The following PTPRQ variants were observed in gnomAD, a reference collection of about 807,000 sequenced individuals.
PTPRQ encodes the protein phosphatidylinositol phosphatase PTPRQ.
Under a neutral mutation model 246.0 loss-of-function variants are expected in PTPRQ, and 199 were observed. The ratio of observed to expected loss-of-function variants is 0.81; its 90% CI spans 0.72 to 0.91. The LOEUF (loss-of-function observed/expected upper bound fraction) is 0.91. PTPRQ is among the 40% of genes least tolerant of loss of function. The pLI is 0.00. For missense variants in PTPRQ, 2,624 were observed against 2,528.4 expected, an observed-to-expected ratio of 1.04 and a Z score of -0.81; for synonymous variants, 869 against 853.2, an observed-to-expected ratio of 1.02 and a Z score of -0.32.
chr12:80,559,267 A>G (rs950706084), intron 25 of PTPRQ, among the ~76,000 whole-genome samples: 6 of 151,998 alleles, frequency 3.9e-5, no homozygotes, highest in African/African-American at 1.5e-4. Context: ...GATGGTCTCA[A>G]TCTCCTGATT....
At chr12:80,598,843 ATTCTT>A (rs954896803) in intron 26 of PTPRQ, among the ~76,000 whole-genome samples, 1 of 151,990 alleles carries the variant, frequency 6.6e-6, no homozygotes, top group Admixed American at 6.6e-5. Context: ...ATTTATGTTT[ATTCTT>A]TTAGGAAAGT....
intron 17 of PTPRQ, among the ~76,000 whole-genome samples, chr12:80,527,231 G>A (rs569354740): frequency 4.6e-5 from 7 of 152,054 alleles, no homozygotes; most frequent in East Asian, 1.9e-4. Flanking sequence ...GTAGAAAAAT[G>A]TTTTGAAAAA....
intron 17 of PTPRQ, among the ~76,000 whole-genome samples, chr12:80,529,480 A>T (rs1245359282): frequency 6.6e-6 from 1 of 152,180 alleles, no homozygotes; most frequent in African/African-American, 2.4e-5. Context: ...TGTCTAGAGA[A>T]CCATACACAT....
At chr12:80,498,101 T>A (rs376459944) in intron 14 of PTPRQ, among the ~76,000 whole-genome samples, 1 of 152,188 alleles carries the variant, frequency 6.6e-6, no homozygotes, top group African/African-American at 2.4e-5. Context: ...AGCCTTGAAG[T>A]GACACTTAAT....
At chr12:80,581,600 A>T (rs1163746934) in intron 25 of PTPRQ, among the ~76,000 whole-genome samples, 1 of 152,180 alleles carries the variant, frequency 6.6e-6, no homozygotes, top group Non-Finnish European at 1.5e-5. Context: ...GTGCCACTGC[A>T]TTCCAGCCTC....
At chr12:80,599,187 A>C (rs923428661) in intron 26 of PTPRQ, among the ~76,000 whole-genome samples, 1 of 151,962 alleles carries the variant, frequency 6.6e-6, no homozygotes, top group Non-Finnish European at 1.5e-5. Context: ...CAAGGATAGA[A>C]GCATGATAAT....
chr12:80,593,343 A>G (rs1227655004), intron 26 of PTPRQ, among the ~76,000 whole-genome samples: 1 of 152,208 alleles, frequency 6.6e-6, no homozygotes, highest in Non-Finnish European at 1.5e-5. Context: ...TAATCAGAAA[A>G]CATGTTATCA....
At chr12:80,528,013 T>C (rs750067884) in intron 17 of PTPRQ, among the ~76,000 whole-genome samples, 3 of 151,964 alleles carry the variant, frequency 2.0e-5, no homozygotes, top group African/African-American at 7.2e-5. Flanking sequence ...GAGCCTGGGG[T>C]TGGGGCCATC....
At chr12:80,453,211 C>G (rs1892836341) in intron 3 of PTPRQ, among the ~76,000 whole-genome samples, 1 of 152,196 alleles carries the variant, frequency 6.6e-6, no homozygotes, top group Admixed American at 6.5e-5. Context: ...TGGCTTTCAG[C>G]TCCATCAGCT....
chr12:80,625,848 C>G (rs1407654346), intron 33 of PTPRQ, among the ~76,000 whole-genome samples: 1 of 151,970 alleles, frequency 6.6e-6, no homozygotes, highest in Non-Finnish European at 1.5e-5. Context: ...ACAAAAAACC[C>G]TCTTAAACTT....
At chr12:80,465,038 A>AC (rs1452500068) in intron 6 of PTPRQ, among the ~76,000 whole-genome samples, 4 of 110,268 alleles carry the variant, frequency 3.6e-5, no homozygotes, top group Non-Finnish European at 7.3e-5. Context: ...GACACAAAAA[A>AC]CCCTTCAAAA....
chr12:80,551,493 C>T (rs1036992984), intron 25 of PTPRQ, among the ~76,000 whole-genome samples: 1 of 152,128 alleles, frequency 6.6e-6, no homozygotes, highest in African/African-American at 2.4e-5. Context: ...CTCCTACTCA[C>T]TTAATTGAAT....
At chr12:80,507,400 C>A (rs1054519869) in intron 16 of PTPRQ, among the ~76,000 whole-genome samples, 3 of 151,776 alleles carry the variant, frequency 2.0e-5, no homozygotes, top group African/African-American at 7.3e-5. Context: ...GAAGGGTAGG[C>A]CTGGAAGTAT....
At chr12:80,464,324 C>T (rs1361755027) in intron 6 of PTPRQ, among the ~76,000 whole-genome samples, 1 of 96,250 alleles carries the variant, frequency 1.0e-5, no homozygotes, top group Non-Finnish European at 2.1e-5. Context: ...GCTAACTATC[C>T]TAAATATATA....
In PTPRQ at chr12:80,679,358, T is replaced by C. The variant is rs921807436; in HGVS notation, c.*335T>C. Reference sequence around the variant, plus strand: ...TGTTTCAATGTGAATTTTCCCTATGTATTGGATTTAATTTTGAGCAAAAGT... The same window carrying C: ...TGTTTCAATGTGAATTTTCCCTATGCATTGGATTTAATTTTGAGCAAAAGT... On this transcript the variant is annotated 3_prime_UTR_variant, in exon 45 of 45. Transcript: ENST00000644991. 4 of 177,566 alleles carry C rather than the reference T, an allele frequency of 2.3e-5. No homozygotes were observed. The Admixed American group carries it at 2.5e-4, about 11-fold the overall frequency. 11.0% of individuals were successfully genotyped at this position (177,566 alleles called of 1,614,324 possible).
chr12:80,534,259 A>G (rs1213075083), intron 18 of PTPRQ, 84 bp downstream of exon 18: 1 of 1,317,148 alleles, frequency 7.6e-7, no homozygotes, highest in Non-Finnish European at 1.0e-6. Flanking sequence ...TCAAATATCA[A>G]AATGTATGAT....
chr12:80,585,632 C>T (rs1341309593), intron 25 of PTPRQ, among the ~76,000 whole-genome samples: 1 of 152,132 alleles, frequency 6.6e-6, no homozygotes. Context: ...ACCAGGCATG[C>T]CTCCAACTAT....
At chr12:80,453,383 G>C (rs982668053) in intron 3 of PTPRQ, among the ~76,000 whole-genome samples, 3 of 151,840 alleles carry the variant, frequency 2.0e-5, no homozygotes, top group African/African-American at 2.4e-5. Flanking sequence ...GTCATTCTCT[G>C]TCCAGCTTTG....
At chr12:80,483,865 G>A (rs6539520) in intron 8 of PTPRQ, among the ~76,000 whole-genome samples, 11,342 of 152,060 alleles carry the variant, frequency 0.075, 1,008 homozygotes, top group East Asian at 0.21. Flanking sequence ...ATAGTTTGCT[G>A]AGAATGATGG....
Sources: allele counts gnomAD v4.1 joint callset (sites outside exome capture counted in the v4.1 genomes callset), GRCh38; gene constraint gnomAD v4.1.1; transcripts MANE v1.5; gene names NCBI Gene and HGNC (gene_info 2026-07-23, HGNC 2026-07-21).